The following NFXL1 variants were observed in gnomAD, a reference collection of about 807,000 sequenced individuals.
The protein encoded by NFXL1 is NF-X1-type zinc finger protein NFXL1.
Under a neutral mutation model 123.3 loss-of-function variants are expected in NFXL1, and 66 were observed. The ratio of observed to expected loss-of-function variants is 0.54; its 90% CI spans 0.44 to 0.66. NFXL1 has a LOEUF of 0.66. NFXL1 is among the 30% of genes least tolerant of loss of function. The pLI is 0.00. For missense variants in NFXL1, 944 were observed against 1,125.6 expected (o/e 0.84, Z 2.31); for synonymous variants, 346 against 360.8 (o/e 0.96, Z 0.46).
intron 15 of NFXL1, 41 bp downstream of exon 15, chr4:47,884,305 G>GTTTTTTTTTTTTTT: frequency 8.3e-7 from 1 of 1,210,390 alleles, no homozygotes; most frequent in Non-Finnish European, 1.2e-6. Flanking sequence ...TATGTCAAAA[G>GTTTTTTTTTTTTTT]TTTTTTGTTT....
At chr4:47,896,365 TCTC>T (rs1440928452) in intron 10 of NFXL1, among the ~76,000 whole-genome samples, 155 bp downstream of exon 10, 1 of 152,166 alleles carries the variant, frequency 6.6e-6, no homozygotes, top group Non-Finnish European at 1.5e-5. Flanking sequence ...ATGCCTGTAT[TCTC>T]CTGCTTCTTA....
At chr4:47,863,797 A>G (rs1234643415) in intron 18 of NFXL1, among the ~76,000 whole-genome samples, 17 of 152,220 alleles carry the variant, frequency 1.1e-4, no homozygotes, top group Admixed American at 1.1e-3. Flanking sequence ...ACAAACACCA[A>G]GGAATAAACC....
At chr4:47,882,079 G>A (rs1364332784) in intron 15 of NFXL1, among the ~76,000 whole-genome samples, 1 of 152,156 alleles carries the variant, frequency 6.6e-6, no homozygotes, top group African/African-American at 2.4e-5. Context: ...TTTCTCAACT[G>A]TAAATTGTAT....
intron 18 of NFXL1, among the ~76,000 whole-genome samples, chr4:47,868,434 G>C (rs1399967184): frequency 8.4e-6 from 1 of 118,908 alleles, no homozygotes; most frequent in Non-Finnish European, 1.8e-5. Context: ...AATGAGAAGA[G>C]AAGGAGAGAA....
chr4:47,881,140 G>A (rs1736092659), intron 15 of NFXL1, among the ~76,000 whole-genome samples: 1 of 151,906 alleles, frequency 6.6e-6, no homozygotes. Context: ...TATAACTATA[G>A]TTACAGATAA....
intron 5 of NFXL1, among the ~76,000 whole-genome samples, chr4:47,900,084 G>A (rs73145943): frequency 0.03 from 4,544 of 152,260 alleles, 249 homozygotes; most frequent in African/African-American, 0.1. Context: ...AAACAGAAGA[G>A]AGAAGTCAGG....
intron 3 of NFXL1, among the ~76,000 whole-genome samples, chr4:47,907,685 TA>T (rs1737623954): frequency 6.6e-6 from 1 of 152,090 alleles, no homozygotes; most frequent in African/African-American, 2.4e-5. Flanking sequence ...AAACACAGCA[TA>T]AAAAAATTAC....
rs186846149 is a variant in NFXL1, at chr4:47,885,695, G to C, written c.1665-38C>G. 4 of 1,556,338 alleles carry C rather than the reference G, an allele frequency of 2.6e-6. No homozygotes were observed. The African/African-American group carries it at 5.4e-5, about 21-fold the overall frequency. ...GTACAATTTTCAAAAATTACTTTTA[G>C]TCATTGAATAATTACATCTAAAGGA... On this transcript the variant is annotated intron_variant, in intron 13 of 22. Coordinates refer to ENST00000507489, the MANE Select transcript of NFXL1 (RefSeq NM_001278624.2).
chr4:47,905,221 A>T lies in NFXL1; in HGVS notation c.516+16T>A. On this transcript the variant is annotated intron_variant, in intron 4 of 22. Coordinates refer to ENST00000507489, the MANE Select transcript of NFXL1 (RefSeq NM_001278624.2). ...TTTGGGGAGATACATTAATATAAAT[A>T]AGGAGAAAAACTTACTGCTTGGTTT... is the stretch of plus-strand genomic sequence containing the variant. 1 of 1,097,250 alleles carries T rather than the reference A, an allele frequency of 9.1e-7. No individual in the cohort carries two copies. Among genetic ancestry groups the T allele is most frequent in the South Asian group, 1.3e-5 (1 of 75,034 alleles). The allele number at this position is 1,097,250 out of a possible 1,614,324, so 68.0% of individuals were successfully genotyped here. A position where few individuals can be genotyped will look rare whatever the true frequency, so the allele number is the denominator to read the frequency against.
chr4:47,851,939 A>G lies in NFXL1; in HGVS notation c.2425T>C (p.Leu809=). The change falls in exon 21 of 23, where the codon TTG becomes CTG. Residue 809 remains leucine, a synonymous_variant. Transcript: ENST00000507489. Reference sequence around the variant, plus strand: ...TTTTCACGTACTTTGTTGCACTGCAATTCCTACAAACAACCCGATTTTCAA... The same window carrying G: ...TTTTCACGTACTTTGTTGCACTGCAGTTCCTACAAACAACCCGATTTTCAA... ...RCPCKRIKKE[L]QCNKVRENQV... 1 of 1,604,934 alleles carries G rather than the reference A, an allele frequency of 6.2e-7. No homozygotes were observed. Among genetic ancestry groups the G allele is most frequent in the Non-Finnish European group, 8.5e-7 (1 of 1,172,588 alleles).
intron 8 of NFXL1, among the ~76,000 whole-genome samples, chr4:47,898,513 G>C (rs1222328791): frequency 6.6e-6 from 1 of 152,110 alleles, no homozygotes; most frequent in East Asian, 1.9e-4. Flanking sequence ...TAGCAAGAAA[G>C]AGTACAAATG....
chr4:47,866,959 C>G lies in NFXL1; in HGVS notation c.2247-4044G>C, dbSNP rs1735120302. Among the ~76,000 whole-genome samples the G allele has an allele frequency of 2.6e-5, 4 of 152,170 alleles. No individual in the cohort carries two copies. In the South Asian group the frequency reaches 8.3e-4, roughly 31 times the overall value. On this transcript the variant is annotated intron_variant, in intron 18 of 22. Coordinates refer to ENST00000507489, the MANE Select transcript of NFXL1 (RefSeq NM_001278624.2). ...AACTCAGTGCTGGGAGAATTAAGTA[C>G]AAACTATGTGGCTCCACTGGGAGCA...
In NFXL1 at chr4:47,890,600, T is replaced by A. The variant is rs780465703; in HGVS notation, c.1543+13A>T. On this transcript the variant is annotated intron_variant, in intron 12 of 22. Transcript: ENST00000507489. ...ACTACAAACATAAAATCATAGCTAT[T>A]ATTAAAGTTTACCTCTGTGACAGAC... The A allele has an allele frequency of 1.4e-6, 2 of 1,390,074 alleles. No homozygotes were observed. Among genetic ancestry groups the A allele is most frequent in the Non-Finnish European group, 2.0e-6 (2 of 979,302 alleles). The allele number at this position is 1,390,074 out of a possible 1,614,324, so 86.1% of individuals were successfully genotyped here. A position where few individuals can be genotyped will look rare whatever the true frequency, so the allele number is the denominator to read the frequency against.
chr4:47,898,555 AC>A (rs1412285686), intron 8 of NFXL1, among the ~76,000 whole-genome samples: 1 of 152,196 alleles, frequency 6.6e-6, no homozygotes. Flanking sequence ...AATAGCTGTT[AC>A]TTTGAAAAAA....
At chr4:47,881,122 T>C (rs1293776203) in intron 15 of NFXL1, among the ~76,000 whole-genome samples, 1 of 152,062 alleles carries the variant, frequency 6.6e-6, no homozygotes, top group Non-Finnish European at 1.5e-5. Context: ...TCTATAGATA[T>C]AGATATCTAT....
chr4:47,848,865 G>C (rs1312874142), intron 22 of NFXL1, among the ~76,000 whole-genome samples: 1 of 151,930 alleles, frequency 6.6e-6, no homozygotes, highest in East Asian at 1.9e-4. Flanking sequence ...CTCCAGCCTG[G>C]GCAACAGAGA....
chr4:47,900,262 T>C (rs1437870213), intron 5 of NFXL1, among the ~76,000 whole-genome samples: 1 of 152,096 alleles, frequency 6.6e-6, no homozygotes, highest in African/African-American at 2.4e-5. Flanking sequence ...CAGGCTGGAG[T>C]ATAGTGGCGC....
intron 3 of NFXL1, among the ~76,000 whole-genome samples, chr4:47,908,954 C>T (rs1309250817): frequency 1.1e-5 from 1 of 90,536 alleles, no homozygotes; most frequent in South Asian, 3.3e-4. Context: ...GACTCCGTCG[C>T]AAAAAAAAAA....
rs529381260 is a variant in NFXL1 at position 47,914,580 on chromosome 4, T to C, written c.-218A>G. The C allele has an allele frequency of 9.1e-5, 18 of 198,262 alleles. No homozygotes were observed. Among genetic ancestry groups the C allele is most frequent in the African/African-American group, 3.2e-4 (14 of 43,406 alleles). 12.3% of individuals were successfully genotyped at this position (198,262 alleles called of 1,614,324 possible). On this transcript the variant is annotated 5_prime_UTR_variant, in exon 1 of 23. Transcript: ENST00000507489. ...GTCTCCCGCCGGGAACCAACTGCAG[T>C]GGTACACCCCACGGAAAGCTACGTC...
Sources: gnomAD v4.1 joint callset for allele counts (sites outside exome capture counted in the v4.1 genomes callset) on GRCh38, gnomAD v4.1.1 for gene constraint, MANE v1.5 for transcripts, NCBI Gene and HGNC (gene_info 2026-07-23, HGNC 2026-07-21) for gene names.